Variants in TTC13 observed in about 807,000 individuals in gnomAD.
TTC13 encodes tetratricopeptide repeat domain 13.
TTC13 carries 62 observed loss-of-function variants against 120.0 expected under a neutral mutation model. The ratio of observed to expected loss-of-function variants is 0.52; its 90% CI spans 0.42 to 0.64. The LOEUF (loss-of-function observed/expected upper bound fraction) is 0.64. Among genes scored for constraint, TTC13 ranks in the 30% least tolerant of loss-of-function variants. TTC13 has a pLI of 0.00. For synonymous variants in TTC13, 384 were observed against 393.5 expected, an observed-to-expected ratio of 0.98 and a Z score of 0.28; for missense variants, 824 against 1,050.2, an observed-to-expected ratio of 0.78 and a Z score of 2.98.
chr1:230,936,166 T>C, intron 8 of TTC13: 1 of 456,166 alleles, frequency 2.2e-6, no homozygotes, highest in Non-Finnish European at 4.4e-6. Flanking sequence ...ACAGCATGCT[T>C]GGACGCCACA....
intron 12 of TTC13, 34 bp downstream of exon 12, chr1:230,928,903 G>A (rs1673285131): frequency 6.2e-7 from 1 of 1,609,922 alleles, no homozygotes; most frequent in East Asian, 2.2e-5. Context: ...TTTTGAGAAA[G>A]GAAAAAAAAA....
At chr1:230,956,617 T>C (rs1441867352) in intron 3 of TTC13, 1 of 354,640 alleles carries the variant, frequency 2.8e-6, no homozygotes, top group Non-Finnish European at 5.4e-6. Flanking sequence ...TTTTTAGAGA[T>C]AAATTTTGTA....
At position 230,978,785 on chromosome 1, in the gene TTC13, C is replaced by T. The variant is rs943304673; in HGVS notation, c.46G>A (p.Ala16Thr). 8 of 1,498,734 alleles carry T rather than the reference C, an allele frequency of 5.3e-6. No individual in the cohort carries two copies. In the African/African-American group the frequency reaches 8.7e-5, roughly 16 times the overall value. 92.8% of individuals were successfully genotyped at this position (1,498,734 alleles called of 1,614,324 possible). A position where few individuals can be genotyped will look rare whatever the true frequency, so the allele number is the denominator to read the frequency against. The change falls in exon 1 of 23, where the codon GCT becomes ACT. Residue 16 changes from alanine (A) to threonine (T), a missense_variant. Ala to Thr is a moderately conservative substitution (Grantham distance 58). This residue lies in a region of TTC13 where 160 missense variants were observed against 137.2 expected (regional missense o/e 1.17). Coordinates refer to ENST00000366661, the MANE Select transcript of TTC13 (RefSeq NM_024525.5). The surrounding 1 kb of genome is among the most constrained non-coding windows in gnomAD (Gnocchi z 5.6). ...CGGGCGGCGCCCGCGGCGGCCACAGCGCCGCCCCAGAAGCAGCAGCAGCAG... is the reference window on the plus strand; with the variant it reads ...CGGGCGGCGCCCGCGGCGGCCACAGTGCCGCCCCAGAAGCAGCAGCAGCAG... ...CCCCCCFWGG[A>T]VAAAGAARRV... is the part of the protein sequence containing the mutation.
Position 230,978,544 on chromosome 1 carries a change from G to GC in TTC13, c.271+15dup. 1.1e-6 allele frequency: 1 copy of GC among 915,294 alleles called. No homozygotes were observed. Among genetic ancestry groups the GC allele is most frequent in the Non-Finnish European group, 1.5e-6 (1 of 689,636 alleles). The allele number at this position is 915,294 out of a possible 1,614,324, so 56.7% of individuals were successfully genotyped here. On this transcript the variant is annotated intron_variant, in intron 1 of 22. Coordinates refer to ENST00000366661, the MANE Select transcript of TTC13 (RefSeq NM_024525.5). This position sits in a 1 kb window ranked among gnomAD's most constrained non-coding sequence, Gnocchi z 5.6. ...GCCGCCCCGGCCGACTCGGACGCCC[G>GC]CCGCCGCCCACTCACCGCCGCACTC...
At chr1:230,964,615 C>T (rs1391436880) in intron 1 of TTC13, among the ~76,000 whole-genome samples, 4 of 152,176 alleles carry the variant, frequency 2.6e-5, no homozygotes, top group Non-Finnish European at 4.4e-5. Context: ...AAATGGTTAG[C>T]CAGTTGTCCC....
chr1:230,947,299 A>G (rs114573633), intron 4 of TTC13, among the ~76,000 whole-genome samples: 2,081 of 152,208 alleles, frequency 0.014, 45 homozygotes, highest in African/African-American at 0.048. Flanking sequence ...CAGGGGGAAA[A>G]GGGGAGCAGG....
intron 1 of TTC13, among the ~76,000 whole-genome samples, chr1:230,976,685 T>G (rs536072407): frequency 6.6e-6 from 1 of 152,050 alleles, no homozygotes; most frequent in African/African-American, 2.4e-5. Context: ...AAGTACTACA[T>G]GGGAGAGAGA....
At chr1:230,925,033 C>T (rs1672936249) in intron 13 of TTC13, 60 bp from the exon 14 acceptor site, 2 of 1,595,452 alleles carry the variant, frequency 1.3e-6, no homozygotes, top group East Asian at 2.2e-5. Context: ...GTTCCACCTA[C>T]TTTACAGAGT....
intron 12 of TTC13, among the ~76,000 whole-genome samples, chr1:230,928,155 C>CA (rs1673203474): frequency 6.6e-6 from 1 of 152,162 alleles, no homozygotes; most frequent in African/African-American, 2.4e-5. Context: ...ATTTGCTTAA[C>CA]AAGTGCCTCA....
At position 230,978,365 on chromosome 1, in the gene TTC13, T is replaced by C. The variant is rs1678581793; in HGVS notation, c.271+195A>G. The stretch of plus-strand genomic sequence containing the variant: ...ACTCGCCGCCCTGCCCAAAGGCGGC[T>C]GCAGGAGGGCGCGCGGCGGCGTGGG... On this transcript the variant is annotated intron_variant, in intron 1 of 22. Coordinates refer to ENST00000366661, the MANE Select transcript of TTC13 (RefSeq NM_024525.5). The surrounding 1 kb of genome is among the most constrained non-coding windows in gnomAD (Gnocchi z 5.6). 1.3e-5 allele frequency among the ~76,000 whole-genome samples: 2 copies of C among 152,020 alleles called. No individual in the cohort carries two copies. The highest frequency in any genetic ancestry group is 4.8e-5 in the African/African-American group (2 of 41,430).
Position 230,943,918 on chromosome 1 carries a change from A to G in TTC13, c.580-20T>C. 1 of 1,568,548 alleles carries G rather than the reference A, an allele frequency of 6.4e-7. No homozygotes were observed. Among genetic ancestry groups the G allele is most frequent in the Non-Finnish European group, 8.7e-7 (1 of 1,149,572 alleles). On this transcript the variant is annotated intron_variant, in intron 5 of 22. Transcript: ENST00000366661. ...AATGTCCTTGAAAAGGCATTAGCTTAGTATGAGACATACTGTTACTCAAAA... is the reference window on the plus strand; with the variant it reads ...AATGTCCTTGAAAAGGCATTAGCTTGGTATGAGACATACTGTTACTCAAAA...
chr1:230,913,175 G>C (rs1486067768), intron 18 of TTC13, among the ~76,000 whole-genome samples: 1 of 152,078 alleles, frequency 6.6e-6, no homozygotes, highest in East Asian at 1.9e-4. Context: ...CCATGGTTCT[G>C]TTTTTTATCA....
chr1:230,969,585 T>A (rs1008928109), intron 1 of TTC13, among the ~76,000 whole-genome samples: 1 of 152,224 alleles, frequency 6.6e-6, no homozygotes, highest in Non-Finnish European at 1.5e-5. Context: ...CTAGGTCTTA[T>A]ATTTAATTCT....
rs966579989 is a variant in TTC13 at position 230,965,735 on chromosome 1, G to A, written c.272-4432C>T. On this transcript the variant is annotated intron_variant, in intron 1 of 22. Transcript: ENST00000366661. ...CACCCAGACTAGAGTGCAGTGGCAC[G>A]ATCTCGGCTAACTGCAGCATTGACC... Among the ~76,000 whole-genome samples, 13 of 152,292 alleles carry A rather than the reference G, an allele frequency of 8.5e-5. No individual in the cohort carries two copies. In the South Asian group the frequency reaches 1.7e-3, roughly 19 times the overall value.
chr1:230,909,088 A>T, intron 20 of TTC13, 68 bp from the exon 21 acceptor site: 1 of 1,258,272 alleles, frequency 7.9e-7, no homozygotes. Context: ...AAATTTCACC[A>T]TGGACTTCCC....
intron 11 of TTC13, among the ~76,000 whole-genome samples, chr1:230,930,171 T>C (rs747733428): frequency 2.6e-5 from 4 of 152,214 alleles, no homozygotes; most frequent in East Asian, 3.8e-4. Context: ...AATTGAGATG[T>C]ACTATAGCAT....
intron 4 of TTC13, among the ~76,000 whole-genome samples, chr1:230,948,851 A>C (rs1572250974): frequency 6.6e-6 from 1 of 152,186 alleles, no homozygotes; most frequent in South Asian, 2.1e-4. Context: ...ATGCTTTCCC[A>C]AATGCAGTGC....
Position 230,931,517 on chromosome 1 carries a change from C to T in TTC13, c.1126-45G>A, listed in dbSNP as rs749218401. 5 of 1,595,124 alleles carry T rather than the reference C, an allele frequency of 3.1e-6. No individual in the cohort carries two copies. The East Asian group carries it at 1.1e-4, about 36-fold the overall frequency. ...TTAGTATCAACACAGTTTAGGAAAA[C>T]TTTGAAATGCTTTATTCTTTACTCT... On this transcript the variant is annotated intron_variant, in intron 10 of 22. Coordinates refer to ENST00000366661, the MANE Select transcript of TTC13 (RefSeq NM_024525.5).
chr1:230,973,573 G>A (rs1677972432), intron 1 of TTC13, among the ~76,000 whole-genome samples: 1 of 152,198 alleles, frequency 6.6e-6, no homozygotes, highest in Non-Finnish European at 1.5e-5. Context: ...GTGAAAAAAG[G>A]CTGAAGGCAT....
Sources: allele counts gnomAD v4.1 joint callset (sites outside exome capture counted in the v4.1 genomes callset), GRCh38; gene constraint gnomAD v4.1.1; regional missense constraint gnomAD v4.1.1; non-coding constraint Gnocchi (gnomAD v3.1); transcripts MANE v1.5; gene names NCBI Gene and HGNC (gene_info 2026-07-23, HGNC 2026-07-21).